The following THSD7B variants were observed in gnomAD, a reference collection of about 807,000 sequenced individuals.
THSD7B encodes the protein thrombospondin type-1 domain-containing protein 7B.
A neutral mutation model predicts 213.6 loss-of-function variants in THSD7B; 138 were observed. The ratio of observed to expected loss-of-function variants is 0.65; its 90% confidence interval spans 0.56 to 0.74. The LOEUF is 0.74. Ranked by LOEUF, THSD7B falls within the 30% of genes least tolerant of loss-of-function variation. THSD7B has a pLI of 0.00. For missense variants in THSD7B, 1,931 were observed against 1,991.5 expected, an observed-to-expected ratio of 0.97 and a Z score of 0.58; for synonymous variants, 742 against 687.0, an observed-to-expected ratio of 1.08 and a Z score of -1.25.
At chr2:136,921,251 G>C (rs1684433506) in intron 2 of THSD7B, among the ~76,000 whole-genome samples, 1 of 150,382 alleles carries the variant, frequency 6.6e-6, no homozygotes, top group Admixed American at 6.6e-5. Flanking sequence ...ACATAGGCAG[G>C]CCCCTTATTC....
intron 1 of THSD7B, among the ~76,000 whole-genome samples, chr2:136,829,063 A>G (rs562264911): frequency 3.3e-5 from 5 of 152,210 alleles, no homozygotes; most frequent in East Asian, 1.9e-4. Flanking sequence ...TCTATTACGT[A>G]TGAGTCTTCC....
intron 7 of THSD7B, among the ~76,000 whole-genome samples, chr2:137,192,885 A>G (rs1279534395): frequency 6.6e-6 from 1 of 152,208 alleles, no homozygotes; most frequent in Admixed American, 6.5e-5. Context: ...GGGTTTTTAA[A>G]TTAAGCTAAA....
In THSD7B at chr2:137,170,823, T is replaced by A. The variant is rs775750909; in HGVS notation, c.1608T>A (p.Pro536=). The change falls in exon 7 of 28, where the codon CCT becomes CCA. Residue 536 remains proline, a synonymous_variant. Transcript: ENST00000409968. The stretch of plus-strand genomic sequence containing the variant: ...GCCCTCATTTGGTGGAGTCTGTTCC[T>A]TGTGAGGATCCAATGTGCTACCGAT... The part of the protein sequence containing the change: ...GHCPHLVESV[P]CEDPMCYRWL... 5.6e-6 allele frequency: 9 copies of A among 1,613,656 alleles called. No homozygotes were observed. In the South Asian group the frequency reaches 9.9e-5, roughly 18 times the overall value.
At chr2:137,028,731 C>G (rs1686601713) in intron 2 of THSD7B, among the ~76,000 whole-genome samples, 1 of 152,192 alleles carries the variant, frequency 6.6e-6, no homozygotes, top group African/African-American at 2.4e-5. Context: ...GGTGGGCAAC[C>G]TACCGCAGTG....
At chr2:136,938,348 G>A (rs1684766684) in intron 2 of THSD7B, among the ~76,000 whole-genome samples, 1 of 152,170 alleles carries the variant, frequency 6.6e-6, no homozygotes, top group African/African-American at 2.4e-5. Context: ...CAGAGACTGA[G>A]GAGCTGAAAA....
At chr2:137,522,521 A>G in intron 15 of THSD7B, among the ~76,000 whole-genome samples, 1 of 151,656 alleles carries the variant, frequency 6.6e-6, no homozygotes, top group East Asian at 1.9e-4. Context: ...AAAGCAATTC[A>G]GAGTCACTTT....
intron 1 of THSD7B, among the ~76,000 whole-genome samples, chr2:136,837,815 A>C (rs1487045134): frequency 6.6e-6 from 1 of 152,188 alleles, no homozygotes; most frequent in Non-Finnish European, 1.5e-5. Context: ...ATTTCTTTAT[A>C]TATCCTCCTA....
chr2:136,811,022 T>A (rs1246265985), intron 1 of THSD7B, among the ~76,000 whole-genome samples: 1 of 152,120 alleles, frequency 6.6e-6, no homozygotes, highest in Non-Finnish European at 1.5e-5. Context: ...GGAACCCAAC[T>A]TGACAGAAGT....
At chr2:137,097,789 C>CACAT (rs1351711022) in intron 4 of THSD7B, among the ~76,000 whole-genome samples, 1 of 151,576 alleles carries the variant, frequency 6.6e-6, no homozygotes, top group Non-Finnish European at 1.5e-5. Context: ...CACACACACA[C>CACAT]ACACACACAC....
At chr2:137,212,744 A>T (rs7568204) in intron 7 of THSD7B, among the ~76,000 whole-genome samples, 5 of 151,690 alleles carry the variant, frequency 3.3e-5, no homozygotes, top group East Asian at 1.9e-4. Context: ...TGAAAATATA[A>T]GATTTTTAAG....
chr2:137,202,938 T>C (rs1008416442), intron 7 of THSD7B, among the ~76,000 whole-genome samples: 1 of 152,062 alleles, frequency 6.6e-6, no homozygotes. Context: ...GGCTAGATAA[T>C]GGATAGAGGG....
chr2:137,345,755 C>G (rs1040975407), intron 12 of THSD7B, among the ~76,000 whole-genome samples: 1 of 151,344 alleles, frequency 6.6e-6, no homozygotes, highest in Non-Finnish European at 1.5e-5. Context: ...ATTCCATGAA[C>G]TAGATAGTAT....
chr2:137,609,039 A>G (rs781128812), intron 17 of THSD7B, among the ~76,000 whole-genome samples: 3 of 152,214 alleles, frequency 2.0e-5, no homozygotes, highest in Non-Finnish European at 4.4e-5. Context: ...ACATTCATTA[A>G]TCTCATTAAA....
intron 3 of THSD7B, among the ~76,000 whole-genome samples, chr2:137,092,818 A>C (rs111281859): frequency 6.6e-6 from 1 of 152,092 alleles, no homozygotes; most frequent in Non-Finnish European, 1.5e-5. Context: ...TTGTATTTTT[A>C]GTAGAGACAA....
At chr2:136,963,734 TGAG>T (rs761629559) in intron 2 of THSD7B, among the ~76,000 whole-genome samples, 1 of 152,188 alleles carries the variant, frequency 6.6e-6, no homozygotes, top group Non-Finnish European at 1.5e-5. Flanking sequence ...TAAACTGTGT[TGAG>T]GAGTTTTGAG....
In THSD7B at chr2:137,200,530, T is replaced by C. The variant is rs190432953; in HGVS notation, c.1723+29592T>C. ...AATCAGCATAAATCATAGTATTCCC[T>C]GAATGAATTTTTAAATGCAAACACA... On this transcript the variant is annotated intron_variant, in intron 7 of 27. Coordinates refer to ENST00000409968, the MANE Select transcript of THSD7B (RefSeq NM_001316349.2). 1.1e-4 allele frequency among the ~76,000 whole-genome samples: 17 copies of C among 152,232 alleles called. No homozygotes were observed. In the East Asian group the frequency reaches 3.3e-3, roughly 29 times the overall value.
intron 12 of THSD7B, among the ~76,000 whole-genome samples, chr2:137,393,870 G>A (rs1341986498): frequency 7.1e-6 from 1 of 140,916 alleles, no homozygotes; most frequent in African/African-American, 2.6e-5. Context: ...GTGTGAGATG[G>A]TATCTCATTG....
In THSD7B at chr2:136,854,335, T is replaced by G. The variant is rs542039431; in HGVS notation, c.-35-27809T>G. 5.2e-4 allele frequency among the ~76,000 whole-genome samples: 79 copies of G among 152,238 alleles called. 1 individual carries two copies. The highest frequency in any genetic ancestry group is 9.1e-4 in the Non-Finnish European group (62 of 68,038). The stretch of plus-strand genomic sequence containing the variant: ...CAACTCCAGTTGAAAATTTTGGGAT[T>G]CATTTTCATCTTTTATTCATGTTTA... On this transcript the variant is annotated intron_variant, in intron 1 of 27. Coordinates refer to ENST00000409968, the MANE Select transcript of THSD7B (RefSeq NM_001316349.2).
At chr2:137,632,540 A>G (rs1682761195) in intron 20 of THSD7B, among the ~76,000 whole-genome samples, 1 of 152,312 alleles carries the variant, frequency 6.6e-6, no homozygotes, top group East Asian at 1.9e-4. Flanking sequence ...TATAGGTATT[A>G]CAGTGGTCCC....
Sources: gnomAD v4.1 joint callset for allele counts (sites outside exome capture counted in the v4.1 genomes callset) on GRCh38, gnomAD v4.1.1 for gene constraint, MANE v1.5 for transcripts, NCBI Gene and HGNC (gene_info 2026-07-23, HGNC 2026-07-21) for gene names.